The following EXOC4 variants were observed in gnomAD, a reference collection of about 807,000 sequenced individuals.
The protein encoded by EXOC4 is exocyst complex component 4.
In EXOC4, 71 loss-of-function variants were observed where a neutral mutation model predicts 107.2. That is an observed-to-expected ratio of 0.66 (90% CI 0.55 to 0.81). The LOEUF (loss-of-function observed/expected upper bound fraction) is 0.81. EXOC4 is among the 30% of genes least tolerant of loss of function. The pLI is 0.00. For synonymous variants in EXOC4, 456 were observed against 441.2 expected, an observed-to-expected ratio of 1.03 and a Z score of -0.42; for missense variants, 1,108 against 1,189.6, an observed-to-expected ratio of 0.93 and a Z score of 1.01.
At chr7:133,999,915 GA>G (rs1217024188) in intron 15 of EXOC4, among the ~76,000 whole-genome samples, 1 of 152,074 alleles carries the variant, frequency 6.6e-6, no homozygotes, top group Non-Finnish European at 1.5e-5. Flanking sequence ...TAATTTACAA[GA>G]AACTATACAG....
intron 10 of EXOC4, among the ~76,000 whole-genome samples, chr7:133,689,376 A>G (rs1794371838): frequency 1.3e-5 from 2 of 152,220 alleles, no homozygotes; most frequent in South Asian, 4.1e-4. Flanking sequence ...AAGGGGGGCT[A>G]CTACAATGGG....
intron 10 of EXOC4, among the ~76,000 whole-genome samples, chr7:133,667,313 A>G (rs796106726): frequency 4.6e-5 from 7 of 152,050 alleles, no homozygotes; most frequent in African/African-American, 1.7e-4. Context: ...AATGATGATG[A>G]CTGACACTCA....
intron 14 of EXOC4, among the ~76,000 whole-genome samples, chr7:133,969,833 G>GAGGT (rs1801159938): frequency 6.6e-6 from 1 of 152,212 alleles, no homozygotes. Flanking sequence ...CTCACTTGAG[G>GAGGT]AGGTAGTCTG....
intron 7 of EXOC4, among the ~76,000 whole-genome samples, chr7:133,434,788 T>C (rs1433176021): frequency 6.6e-6 from 1 of 152,218 alleles, no homozygotes; most frequent in Admixed American, 6.5e-5. Flanking sequence ...TCATAATAGA[T>C]AAATCCATAT....
chr7:133,872,513 T>C (rs908945861), intron 11 of EXOC4, among the ~76,000 whole-genome samples: 2 of 152,010 alleles, frequency 1.3e-5, no homozygotes, highest in Non-Finnish European at 2.9e-5. Flanking sequence ...TTTACCCTCA[T>C]TGCTAGAACA....
At chr7:133,263,907 T>A (rs1793648051) in intron 1 of EXOC4, among the ~76,000 whole-genome samples, 1 of 152,180 alleles carries the variant, frequency 6.6e-6, no homozygotes, top group African/African-American at 2.4e-5. Flanking sequence ...GTCCCTGATT[T>A]CTGCCTTTAA....
At chr7:133,515,563 G>A (rs948975842) in intron 9 of EXOC4, among the ~76,000 whole-genome samples, 10 of 151,998 alleles carry the variant, frequency 6.6e-5, no homozygotes, top group South Asian at 4.1e-4. Context: ...AGAACTCCTG[G>A]GCTCAAGTGA....
chr7:133,317,167 A>G, intron 4 of EXOC4, 117 bp from the exon 5 acceptor site: 2 of 688,478 alleles, frequency 2.9e-6, no homozygotes, highest in South Asian at 3.4e-5. Flanking sequence ...GGGGAGATCC[A>G]GTTCCAGTGT....
chr7:133,994,169 G>T (rs912143733), intron 14 of EXOC4, among the ~76,000 whole-genome samples: 1 of 152,194 alleles, frequency 6.6e-6, no homozygotes, highest in Non-Finnish European at 1.5e-5. Context: ...CTGTGCCCAT[G>T]TGTTCTCACT....
At chr7:133,897,700 G>T (rs1400040447) in intron 12 of EXOC4, among the ~76,000 whole-genome samples, 1 of 151,122 alleles carries the variant, frequency 6.6e-6, no homozygotes, top group African/African-American at 2.4e-5. Flanking sequence ...AGATTCTATT[G>T]GATGCTTTTT....
intron 4 of EXOC4, among the ~76,000 whole-genome samples, chr7:133,313,428 G>A (rs1244979978): frequency 2.0e-5 from 3 of 152,112 alleles, no homozygotes; most frequent in African/African-American, 7.2e-5. Context: ...AATTTTATGA[G>A]CACTTGCTCT....
intron 7 of EXOC4, among the ~76,000 whole-genome samples, chr7:133,473,721 A>G (rs7779409): frequency 0.29 from 43,686 of 150,934 alleles, 6,559 homozygotes; most frequent in South Asian, 0.39. Context: ...TTTTTTTTAA[A>G]ACGGAGCCTC....
intron 9 of EXOC4, among the ~76,000 whole-genome samples, chr7:133,595,737 G>T (rs552421533): frequency 1.1e-4 from 17 of 152,272 alleles, no homozygotes; most frequent in Admixed American, 1.1e-3. Context: ...TTAAACTTCA[G>T]TCTTTCTCAT....
chr7:134,094,653 T>C, the EXOC4 span, among the ~76,000 whole-genome samples: 2 of 151,910 alleles, frequency 1.3e-5, no homozygotes, highest in Non-Finnish European at 2.9e-5. Context: ...TGAATATAGA[T>C]GCAAAAATCC....
At chr7:133,852,595 T>C (rs571928720) in intron 11 of EXOC4, among the ~76,000 whole-genome samples, 2 of 152,298 alleles carry the variant, frequency 1.3e-5, no homozygotes, top group African/African-American at 4.8e-5. Flanking sequence ...ATTAGCATAA[T>C]ATCTAGGTGA....
At chr7:133,695,457 A>G (rs1794514206) in intron 10 of EXOC4, among the ~76,000 whole-genome samples, 2 of 152,054 alleles carry the variant, frequency 1.3e-5, no homozygotes, top group South Asian at 2.1e-4. Context: ...TCTTTGATAT[A>G]TTGATTTTTT....
intron 10 of EXOC4, among the ~76,000 whole-genome samples, chr7:133,701,630 A>G (rs1445361912): frequency 6.6e-6 from 1 of 152,224 alleles, no homozygotes; most frequent in Non-Finnish European, 1.5e-5. Context: ...ATTAACAACA[A>G]TAACTAATAA....
Position 133,836,067 on chromosome 7 carries a change from T to C in EXOC4, c.1734+18523T>C, listed in dbSNP as rs374199996. Reference sequence around the variant, plus strand: ...CCTTATTTCTTTCAGGTTCTGGACATGTAGGCACAGGCTAGTTTACTTACA... The same window carrying C: ...CCTTATTTCTTTCAGGTTCTGGACACGTAGGCACAGGCTAGTTTACTTACA... On this transcript the variant is annotated intron_variant, in intron 11 of 17. Coordinates refer to ENST00000253861, the MANE Select transcript of EXOC4 (RefSeq NM_021807.4). Among the ~76,000 whole-genome samples, 3 of 152,232 alleles carry C rather than the reference T, an allele frequency of 2.0e-5. No individual in the cohort carries two copies. In the East Asian group the frequency reaches 5.8e-4, roughly 29 times the overall value.
At chr7:134,090,213 T>C in the EXOC4 span, among the ~76,000 whole-genome samples, 11,551 of 152,208 alleles carry the variant, frequency 0.076, 587 homozygotes, top group East Asian at 0.11. Flanking sequence ...AAAGGACTCA[T>C]TCTCTAAGCC....
Sources: allele counts gnomAD v4.1 joint callset (sites outside exome capture counted in the v4.1 genomes callset), GRCh38; gene constraint gnomAD v4.1.1; transcripts MANE v1.5; gene names NCBI Gene and HGNC (gene_info 2026-07-23, HGNC 2026-07-21).